Variants in XIRP2 observed in about 807,000 individuals in gnomAD.
XIRP2 encodes the protein xin actin-binding repeat-containing protein 2.
XIRP2 carries 236 observed loss-of-function variants against 277.0 expected under a neutral mutation model. That is an observed-to-expected ratio of 0.85 (90% CI 0.77 to 0.95). The LOEUF (loss-of-function observed/expected upper bound fraction) is 0.95. Among genes scored for constraint, XIRP2 ranks in the 40% least tolerant of loss-of-function variants. The pLI, the probability that XIRP2 is intolerant of heterozygous loss-of-function variation, is 0.00. For synonymous variants in XIRP2, 1,490 were observed against 1,416.5 expected, an observed-to-expected ratio of 1.05 and a Z score of -1.17; for missense variants, 4,640 against 4,157.5, an observed-to-expected ratio of 1.12 and a Z score of -3.19.
At chr2:167,184,351 G>A (rs1188694757) in intron 3 of XIRP2, among the ~76,000 whole-genome samples, 11 of 152,186 alleles carry the variant, frequency 7.2e-5, no homozygotes. Flanking sequence ...GCATGAAAAT[G>A]TAGGCTATTC....
At chr2:167,050,199 C>A (rs966234993) in intron 2 of XIRP2, among the ~76,000 whole-genome samples, 10 of 151,988 alleles carry the variant, frequency 6.6e-5, no homozygotes, top group Admixed American at 3.3e-4. Flanking sequence ...CTGCCACAAC[C>A]CTGGCCTGCT....
chr2:167,052,007 T>C (rs919398096), intron 2 of XIRP2, among the ~76,000 whole-genome samples: 8 of 152,186 alleles, frequency 5.3e-5, no homozygotes, highest in Middle Eastern at 3.4e-3. Flanking sequence ...AAGCATATTT[T>C]TGGGTTATTT....
At chr2:167,011,878 C>A (rs1687689099) in intron 2 of XIRP2, among the ~76,000 whole-genome samples, 1 of 152,034 alleles carries the variant, frequency 6.6e-6, no homozygotes, top group African/African-American at 2.4e-5. Context: ...TTGTAGTATT[C>A]TCTGATGGTA....
intron 2 of XIRP2, among the ~76,000 whole-genome samples, chr2:166,925,793 G>A (rs906919126): frequency 2.0e-5 from 3 of 151,706 alleles, no homozygotes; most frequent in South Asian, 2.1e-4. Context: ...GCAGAGTGTG[G>A]TGGCTTACCC....
intron 3 of XIRP2, among the ~76,000 whole-genome samples, chr2:167,169,248 A>G (rs1055058315): frequency 6.6e-6 from 1 of 152,144 alleles, no homozygotes; most frequent in Admixed American, 6.5e-5. Context: ...TCTGACACCA[A>G]AAACGTGAGG....
chr2:167,016,935 G>T (rs1687842823), intron 2 of XIRP2, among the ~76,000 whole-genome samples: 1 of 151,976 alleles, frequency 6.6e-6, no homozygotes, highest in African/African-American at 2.4e-5. Flanking sequence ...CTGGCTTGAA[G>T]TAAGACAGGT....
chr2:167,025,173 T>A (rs1437317866), intron 2 of XIRP2, among the ~76,000 whole-genome samples: 1 of 152,168 alleles, frequency 6.6e-6, no homozygotes, highest in Non-Finnish European at 1.5e-5. Context: ...TCTTCCTGGT[T>A]TAGTGTTGGG....
chr2:167,161,608 C>G (rs1692366608), intron 3 of XIRP2, among the ~76,000 whole-genome samples: 1 of 152,178 alleles, frequency 6.6e-6, no homozygotes, highest in South Asian at 2.1e-4. Context: ...GGCACCAAGC[C>G]CCTAGGCCAC....
chr2:167,173,162 A>G (rs1365610040), intron 3 of XIRP2, among the ~76,000 whole-genome samples: 1 of 152,200 alleles, frequency 6.6e-6, no homozygotes, highest in Non-Finnish European at 1.5e-5. Flanking sequence ...TTTTAAATGT[A>G]CAATTAAATT....
chr2:166,980,973 G>A (rs536021215), intron 2 of XIRP2, among the ~76,000 whole-genome samples: 63 of 151,958 alleles, frequency 4.1e-4, no homozygotes, highest in African/African-American at 1.4e-3. Flanking sequence ...CACAACCCAC[G>A]TATGGTTAAT....
At chr2:167,132,829 C>T (rs1691425396) in intron 2 of XIRP2, among the ~76,000 whole-genome samples, 1 of 152,278 alleles carries the variant, frequency 6.6e-6, no homozygotes, top group South Asian at 2.1e-4. Context: ...ATACAGGGCT[C>T]TCTCTCACTG....
At chr2:167,001,267 A>T (rs916423697) in intron 2 of XIRP2, among the ~76,000 whole-genome samples, 1 of 152,074 alleles carries the variant, frequency 6.6e-6, no homozygotes, top group Non-Finnish European at 1.5e-5. Context: ...CGCCTACGTA[A>T]TAGCCTACCT....
Position 167,224,284 on chromosome 2 carries a change from A to T in XIRP2, c.858+5984A>T, listed in dbSNP as rs553757300. On this transcript the variant is annotated intron_variant, in intron 5 of 10. Transcript: ENST00000409195. Reference sequence around the variant, plus strand: ...GGTCTTGCTCTGTTGCCCAGGTGGTAGTGCAGTGGTGTGATCTCAGCTCAC... The same window carrying T: ...GGTCTTGCTCTGTTGCCCAGGTGGTTGTGCAGTGGTGTGATCTCAGCTCAC... 4.6e-5 allele frequency among the ~76,000 whole-genome samples: 7 copies of T among 152,256 alleles called. No individual in the cohort carries two copies. The East Asian group carries it at 1.4e-3, about 29-fold the overall frequency.
At chr2:166,994,588 A>G (rs1199311483) in intron 2 of XIRP2, among the ~76,000 whole-genome samples, 1 of 148,836 alleles carries the variant, frequency 6.7e-6, no homozygotes, top group Non-Finnish European at 1.5e-5. Flanking sequence ...TTCAAATTAC[A>G]ATATGGTAGG....
chr2:167,059,360 C>T (rs1051793682), intron 2 of XIRP2, among the ~76,000 whole-genome samples: 5 of 150,844 alleles, frequency 3.3e-5, no homozygotes, highest in East Asian at 1.9e-4. Flanking sequence ...TCGGGTGATC[C>T]GCCCATCTCG....
At chr2:166,909,067 T>C (rs1684623147) in intron 2 of XIRP2, among the ~76,000 whole-genome samples, 1 of 152,228 alleles carries the variant, frequency 6.6e-6, no homozygotes, top group South Asian at 2.1e-4. Flanking sequence ...TCCAGCTTTG[T>C]TCTTTTGGCT....
intron 2 of XIRP2, among the ~76,000 whole-genome samples, chr2:166,968,902 T>C (rs1686500233): frequency 6.6e-6 from 1 of 151,994 alleles, no homozygotes; most frequent in South Asian, 2.1e-4. Flanking sequence ...AAAGGCGGTT[T>C]GTATCTCTCT....
chr2:167,137,675 A>G (rs1691593965), intron 3 of XIRP2, among the ~76,000 whole-genome samples: 1 of 152,208 alleles, frequency 6.6e-6, no homozygotes, highest in African/African-American at 2.4e-5. Context: ...CTGTCAAGAT[A>G]TGACTGAAAT....
intron 2 of XIRP2, among the ~76,000 whole-genome samples, chr2:167,083,411 T>C (rs9711884): frequency 0.71 from 107,978 of 152,256 alleles, 40,485 homozygotes; most frequent in Non-Finnish European, 0.83. Context: ...TGCTTAGGAT[T>C]GCCTTGGCGA....
Sources: gnomAD v4.1 joint callset for allele counts (sites outside exome capture counted in the v4.1 genomes callset) on GRCh38, gnomAD v4.1.1 for gene constraint, MANE v1.5 for transcripts, NCBI Gene and HGNC (gene_info 2026-07-23, HGNC 2026-07-21) for gene names.